Variants in KCNIP4 observed in about 807,000 individuals in gnomAD.
KCNIP4 encodes potassium voltage-gated channel interacting protein 4.
Under a neutral mutation model 34.0 loss-of-function variants are expected in KCNIP4, and 12 were observed. That is an observed-to-expected ratio of 0.35 (90% CI 0.23 to 0.57). The LOEUF is 0.57. Among genes scored for constraint, KCNIP4 ranks in the 20% least tolerant of loss-of-function variants. The probability of loss-of-function intolerance (pLI) is 0.83; values close to 1 mark genes in which losing one functional copy is unlikely to be tolerated. For missense variants in KCNIP4, 238 were observed against 311.7 expected (o/e 0.76, Z 1.78); for synonymous variants, 124 against 102.2 (o/e 1.21, Z -1.29).
At chr4:20,796,713 C>T (rs900855228) in intron 3 of KCNIP4, among the ~76,000 whole-genome samples, 3 of 151,334 alleles carry the variant, frequency 2.0e-5, no homozygotes, top group Non-Finnish European at 4.4e-5. Context: ...GAAATAAAAC[C>T]TCCAAAAGTT....
chr4:21,425,027 GAT>G (rs1310885642), intron 1 of KCNIP4, among the ~76,000 whole-genome samples: 1 of 152,152 alleles, frequency 6.6e-6, no homozygotes, highest in Non-Finnish European at 1.5e-5. Flanking sequence ...ACAGACATGA[GAT>G]AGGACAAAAT....
intron 1 of KCNIP4, among the ~76,000 whole-genome samples, chr4:21,594,673 AG>A (rs1394730937): frequency 6.6e-6 from 1 of 152,088 alleles, no homozygotes; most frequent in Non-Finnish European, 1.5e-5. Flanking sequence ...GATCTCAGGA[AG>A]AAAAATGCTG....
At chr4:21,516,662 G>C (rs560713923) in intron 1 of KCNIP4, among the ~76,000 whole-genome samples, 8 of 152,220 alleles carry the variant, frequency 5.3e-5, no homozygotes, top group Non-Finnish European at 1.2e-4. Context: ...GCAGAACCCT[G>C]TGGAGTTGTG....
intron 1 of KCNIP4, among the ~76,000 whole-genome samples, chr4:21,347,907 T>C (rs919620219): frequency 2.0e-5 from 3 of 152,270 alleles, no homozygotes; most frequent in East Asian, 1.9e-4. Context: ...ATCTACATGA[T>C]AGAATCAGAA....
In KCNIP4 at chr4:20,740,820, A is replaced by G. The variant is rs1325864877; in HGVS notation, c.430-6085T>C. Reference sequence around the variant, plus strand: ...GATCCATCAGTGTGCTGTATTCAGGAGACCCATCTCGCCTGCAGAGACAAA... The same window carrying G: ...GATCCATCAGTGTGCTGTATTCAGGGGACCCATCTCGCCTGCAGAGACAAA... On this transcript the variant is annotated intron_variant, in intron 5 of 8. Transcript: ENST00000382152. Among the ~76,000 whole-genome samples, 9 of 152,338 alleles carry G rather than the reference A, an allele frequency of 5.9e-5. No homozygotes were observed. The East Asian group carries it at 1.7e-3, about 29-fold the overall frequency.
chr4:21,021,908 T>C (rs1011646012), intron 1 of KCNIP4, among the ~76,000 whole-genome samples: 4 of 148,560 alleles, frequency 2.7e-5, no homozygotes, highest in Admixed American at 1.4e-4. Context: ...TAGTATAGTA[T>C]AGTACATAAA....
intron 1 of KCNIP4, among the ~76,000 whole-genome samples, chr4:20,888,274 C>A (rs1725537359): frequency 1.3e-5 from 2 of 152,058 alleles, no homozygotes; most frequent in South Asian, 2.1e-4. Flanking sequence ...ATTTTTTATT[C>A]ATTACTGAAT....
chr4:21,084,034 C>T (rs1016235676), intron 1 of KCNIP4, among the ~76,000 whole-genome samples: 2 of 151,816 alleles, frequency 1.3e-5, no homozygotes, highest in African/African-American at 4.9e-5. Context: ...TGAGATATAG[C>T]CTACATTGAA....
chr4:20,798,530 C>G (rs935589860), intron 3 of KCNIP4, among the ~76,000 whole-genome samples: 12 of 151,884 alleles, frequency 7.9e-5, no homozygotes, highest in African/African-American at 2.9e-4. Context: ...CACATACACA[C>G]ACACACACAG....
chr4:21,434,166 T>C (rs1229359753), intron 1 of KCNIP4, among the ~76,000 whole-genome samples: 1 of 152,172 alleles, frequency 6.6e-6, no homozygotes, highest in African/African-American at 2.4e-5. Context: ...AACCTCAGCA[T>C]GACGTTTTCA....
chr4:20,897,945 T>A (rs1474063202), intron 1 of KCNIP4, among the ~76,000 whole-genome samples: 1 of 152,200 alleles, frequency 6.6e-6, no homozygotes, highest in African/African-American at 2.4e-5. Context: ...GGTCAAATAT[T>A]CTTTCTTGGT....
chr4:20,813,126 T>C (rs968799016), intron 3 of KCNIP4, among the ~76,000 whole-genome samples: 4 of 152,092 alleles, frequency 2.6e-5, no homozygotes, highest in Non-Finnish European at 5.9e-5. Flanking sequence ...ACCTGTGATT[T>C]AGGGTTGGGA....
chr4:21,469,430 C>T (rs1303356533), intron 1 of KCNIP4, among the ~76,000 whole-genome samples: 1 of 152,108 alleles, frequency 6.6e-6, no homozygotes, highest in Non-Finnish European at 1.5e-5. Context: ...TCAATTACTA[C>T]AGAGTAAATT....
At chr4:21,347,787 C>T (rs1249936958) in intron 1 of KCNIP4, among the ~76,000 whole-genome samples, 1 of 152,110 alleles carries the variant, frequency 6.6e-6, no homozygotes, top group Non-Finnish European at 1.5e-5. Context: ...CACCCATTTT[C>T]CTGCTGAATA....
intron 1 of KCNIP4, among the ~76,000 whole-genome samples, chr4:21,127,179 T>G (rs913444306): frequency 1.3e-5 from 2 of 152,200 alleles, no homozygotes; most frequent in Non-Finnish European, 2.9e-5. Flanking sequence ...CTCTTGGCTG[T>G]CCTAAGAGCC....
chr4:21,604,621 A>C (rs971499711), intron 1 of KCNIP4, among the ~76,000 whole-genome samples: 1 of 152,210 alleles, frequency 6.6e-6, no homozygotes, highest in Non-Finnish European at 1.5e-5. Flanking sequence ...AACCCTCATT[A>C]ATCTTTTATT....
At chr4:21,855,305 T>A (rs924073584) in intron 1 of KCNIP4, among the ~76,000 whole-genome samples, 2 of 152,242 alleles carry the variant, frequency 1.3e-5, no homozygotes, top group African/African-American at 4.8e-5. Flanking sequence ...GTGACTGCAG[T>A]CTGACCTCCG....
chr4:21,867,420 T>A (rs749554228), intron 1 of KCNIP4, among the ~76,000 whole-genome samples: 1 of 152,120 alleles, frequency 6.6e-6, no homozygotes. Flanking sequence ...AGAGTCAGAG[T>A]TAGTTTGCAA....
At chr4:21,619,959 A>G (rs1274749294) in intron 1 of KCNIP4, among the ~76,000 whole-genome samples, 4 of 152,228 alleles carry the variant, frequency 2.6e-5, no homozygotes, top group Non-Finnish European at 5.9e-5. Flanking sequence ...TGTCTCCTGT[A>G]AAATGGGTAT....
Sources: gnomAD v4.1 joint callset for allele counts (sites outside exome capture counted in the v4.1 genomes callset) on GRCh38, gnomAD v4.1.1 for gene constraint, MANE v1.5 for transcripts, NCBI Gene and HGNC (gene_info 2026-07-23, HGNC 2026-07-21) for gene names.